Variants in COL28A1 observed in about 807,000 individuals in gnomAD.
COL28A1 encodes the protein collagen type XXVIII alpha 1 chain.
COL28A1 carries 161 observed loss-of-function variants against 150.2 expected under a neutral mutation model. The ratio of observed to expected loss-of-function variants is 1.07; its 90% CI spans 0.94 to 1.22. COL28A1 has a LOEUF of 1.22. COL28A1 is among the 50% of genes most tolerant of loss of function. The pLI is 0.00. For synonymous variants in COL28A1, 552 were observed against 469.7 expected (o/e 1.18, Z -2.26); for missense variants, 1,617 against 1,388.3 (o/e 1.16, Z -2.62).
the COL28A1 span, among the ~76,000 whole-genome samples, chr7:7,343,108 T>C: frequency 3.9e-5 from 6 of 152,004 alleles, no homozygotes; most frequent in Non-Finnish European, 5.9e-5. Context: ...TTCTTAGAGG[T>C]AATCTCTGTC....
intron 6 of COL28A1, among the ~76,000 whole-genome samples, chr7:7,519,575 C>G (rs1583557860): frequency 6.6e-6 from 1 of 152,058 alleles, no homozygotes; most frequent in South Asian, 2.1e-4. Flanking sequence ...TCTTTAAAAG[C>G]CTGGGATTTT....
chr7:7,389,240 T>C (rs1052195534), intron 27 of COL28A1, among the ~76,000 whole-genome samples: 3 of 152,194 alleles, frequency 2.0e-5, no homozygotes, highest in Non-Finnish European at 4.4e-5. Flanking sequence ...CCAACACCAT[T>C]TATTAAATAG....
the COL28A1 span, among the ~76,000 whole-genome samples, chr7:7,345,475 C>G: frequency 3.3e-5 from 5 of 152,054 alleles, no homozygotes; most frequent in African/African-American, 1.2e-4. Context: ...AAATTACCAT[C>G]TGGTATAATT....
chr7:7,370,439 A>C (rs1781164768), intron 33 of COL28A1, among the ~76,000 whole-genome samples: 1 of 152,220 alleles, frequency 6.6e-6, no homozygotes, highest in Admixed American at 6.5e-5. Flanking sequence ...AATCTGTTTC[A>C]GCATACATGG....
At chr7:7,542,131 C>T in the COL28A1 span, among the ~76,000 whole-genome samples, 1 of 152,168 alleles carries the variant, frequency 6.6e-6, no homozygotes, top group Non-Finnish European at 1.5e-5. Flanking sequence ...GGGCAGATCA[C>T]AAGGTCAGGA....
chr7:7,444,112 A>G (rs1224910152), intron 19 of COL28A1, among the ~76,000 whole-genome samples: 2 of 149,342 alleles, frequency 1.3e-5, no homozygotes, highest in African/African-American at 5.0e-5. Context: ...CTTGCCTCTT[A>G]GGGGGAGGCG....
intron 25 of COL28A1, among the ~76,000 whole-genome samples, chr7:7,421,132 G>C (rs972953264): frequency 4.6e-5 from 7 of 152,118 alleles, no homozygotes. Context: ...TGTAAATTCA[G>C]CAATAAAAAG....
downstream of COL28A1, among the ~76,000 whole-genome samples, chr7:7,354,732 C>A (rs940016126): frequency 1.3e-5 from 2 of 152,288 alleles, no homozygotes; most frequent in Admixed American, 6.5e-5. Context: ...CTGAGTCTTA[C>A]TTAATTAATT....
At chr7:7,526,548 C>T (rs554021426) in intron 3 of COL28A1, among the ~76,000 whole-genome samples, 1 of 152,060 alleles carries the variant, frequency 6.6e-6, no homozygotes, top group Non-Finnish European at 1.5e-5. Flanking sequence ...TAATTCAAGT[C>T]AAATTGTAAT....
At chr7:7,437,550 A>AT in intron 21 of COL28A1, 88 bp from the exon 22 acceptor site, 2 of 1,483,492 alleles carry the variant, frequency 1.3e-6, no homozygotes, top group South Asian at 2.8e-5. Context: ...ATGTCTGCAG[A>AT]TTTTTAAATT....
intron 11 of COL28A1, among the ~76,000 whole-genome samples, chr7:7,503,917 G>C (rs927026267): frequency 3.3e-5 from 5 of 152,120 alleles, no homozygotes; most frequent in African/African-American, 1.2e-4. Flanking sequence ...TGTTCACTTG[G>C]CAGTGAACTT....
At chr7:7,404,883 A>G (rs1019535276) in intron 27 of COL28A1, among the ~76,000 whole-genome samples, 12 of 151,998 alleles carry the variant, frequency 7.9e-5, no homozygotes, top group Non-Finnish European at 1.0e-4. Context: ...TTCATTTACT[A>G]TTTTATTTTA....
At chr7:7,409,949 T>C (rs910557230) in intron 27 of COL28A1, among the ~76,000 whole-genome samples, 17 of 152,184 alleles carry the variant, frequency 1.1e-4, no homozygotes, top group Non-Finnish European at 1.5e-4. Flanking sequence ...ATTTGGAGAA[T>C]TGGCTATTAA....
chr7:7,543,781 A>G, the COL28A1 span, among the ~76,000 whole-genome samples: 2 of 151,284 alleles, frequency 1.3e-5, no homozygotes, highest in Non-Finnish European at 2.9e-5. Context: ...TAAATATATA[A>G]TACAACATTT....
chr7:7,478,737 G>A lies in COL28A1; in HGVS notation c.1165-1557C>T, dbSNP rs942480733. Among the ~76,000 whole-genome samples the A allele has an allele frequency of 2.0e-4, 31 of 152,258 alleles. 1 individual carries two copies. Among genetic ancestry groups the A allele is most frequent in the Admixed American group, 4.6e-4 (7 of 15,288 alleles). ...TGAGAAATCGAGCGCACTGCCGGTGGGCCAGCACTGCTGGGGGACCCAGTG... is the reference window on the plus strand; with the variant it reads ...TGAGAAATCGAGCGCACTGCCGGTGAGCCAGCACTGCTGGGGGACCCAGTG... On this transcript the variant is annotated intron_variant, in intron 13 of 34. Coordinates refer to ENST00000399429, the MANE Select transcript of COL28A1 (RefSeq NM_001037763.3).
At chr7:7,384,792 C>T (rs1184387508) in intron 27 of COL28A1, among the ~76,000 whole-genome samples, 1 of 152,058 alleles carries the variant, frequency 6.6e-6, no homozygotes, top group African/African-American at 2.4e-5. Context: ...GTTAAATAAA[C>T]CCTAAACATT....
chr7:7,346,040 C>T, the COL28A1 span, among the ~76,000 whole-genome samples: 7 of 151,926 alleles, frequency 4.6e-5, no homozygotes, highest in African/African-American at 1.7e-4. Context: ...TCATGTGATC[C>T]TGAGCTTTAA....
intron 11 of COL28A1, among the ~76,000 whole-genome samples, chr7:7,498,591 T>C (rs141455076): frequency 6.9e-4 from 105 of 152,324 alleles, no homozygotes; most frequent in Non-Finnish European, 1.2e-3. Flanking sequence ...CTGAATTACA[T>C]ACTTATAGAT....
intron 25 of COL28A1, among the ~76,000 whole-genome samples, chr7:7,424,255 A>G (rs1358105593): frequency 6.6e-6 from 1 of 152,186 alleles, no homozygotes; most frequent in Admixed American, 6.5e-5. Context: ...ATGATCTGAG[A>G]ATCCACAGAA....
Sources: allele counts gnomAD v4.1 joint callset (sites outside exome capture counted in the v4.1 genomes callset), GRCh38; gene constraint gnomAD v4.1.1; transcripts MANE v1.5; gene names NCBI Gene and HGNC (gene_info 2026-07-23, HGNC 2026-07-21).